CMYA5: variants seen among roughly 807,000 people sequenced by gnomAD.
CMYA5 encodes cardiomyopathy associated 5, also known as cardiomyopathy-associated protein 5.
In CMYA5, 246 loss-of-function variants were observed where a neutral mutation model predicts 318.9. The ratio of observed to expected loss-of-function variants is 0.77; its 90% CI spans 0.70 to 0.86. The LOEUF is 0.86. Among genes scored for constraint, CMYA5 ranks in the 40% least tolerant of loss-of-function variants. The pLI is 0.00. For synonymous variants in CMYA5, 1,641 were observed against 1,729.5 expected (o/e 0.95, Z 1.27); for missense variants, 4,589 against 4,678.2 (o/e 0.98, Z 0.56).
Position 79,737,949 on chromosome 5 carries a change from A to T in CMYA5, c.9184A>T (p.Asn3062Tyr). Residue 3062 changes from asparagine (N) to tyrosine (Y), a missense_variant, in exon 2 of 13, where the codon AAC (asparagine) becomes TAC (tyrosine). Physicochemically the swap from Asn to Tyr is moderately radical, Grantham distance 143. Coordinates refer to ENST00000446378, the MANE Select transcript of CMYA5 (RefSeq NM_153610.5). Reference protein sequence around the residue: ...YFEKYTLIDYNISPDPEKQKA... With the variant: ...YFEKYTLIDYYISPDPEKQKA... ...TGAAAAATATACTTTGATTGATTAT[A>T]ACATCTCCCCAGACCCAGAAAAACA... 1 of 1,610,976 alleles carries T rather than the reference A, an allele frequency of 6.2e-7. No homozygotes were observed. The highest frequency in any genetic ancestry group is 8.5e-7 in the Non-Finnish European group (1 of 1,179,236).
At position 79,739,059 on chromosome 5, in the gene CMYA5, G is replaced by C. The variant is rs2151088686; in HGVS notation, c.10294G>C (p.Val3432Leu). The C allele has an allele frequency of 1.2e-6, 2 of 1,613,866 alleles. No homozygotes were observed. Among genetic ancestry groups the C allele is most frequent in the Non-Finnish European group, 8.5e-7 (1 of 1,179,862 alleles). ...EFTESLHNEVVPQDILSEELS... is the reference protein window; with the variant it reads ...EFTESLHNEVLPQDILSEELS... ...TACAGAATCCCTGCATAATGAAGTGGTTCCTCAAGACATATTATCAGAAGA... is the reference window on the plus strand; with the variant it reads ...TACAGAATCCCTGCATAATGAAGTGCTTCCTCAAGACATATTATCAGAAGA... The change falls in exon 2 of 13, where the codon GTT becomes CTT. Residue 3432 changes from valine to leucine, a missense_variant. Physicochemically the swap from Val to Leu is conservative, Grantham distance 32. Transcript: ENST00000446378.
intron 1 of CMYA5, among the ~76,000 whole-genome samples, chr5:79,704,423 G>T (rs1437652488): frequency 1.3e-5 from 2 of 151,862 alleles, no homozygotes; most frequent in African/African-American, 2.4e-5. Context: ...TGTGTGCAAG[G>T]GTCTGAAAGC....
intron 1 of CMYA5, among the ~76,000 whole-genome samples, chr5:79,691,204 G>A (rs1267396501): frequency 6.6e-6 from 1 of 152,190 alleles, no homozygotes; most frequent in Non-Finnish European, 1.5e-5. Flanking sequence ...GTAGTGGGCA[G>A]GGACTACAAA....
At chr5:79,718,950 T>G (rs1436767566) in intron 1 of CMYA5, among the ~76,000 whole-genome samples, 1 of 152,192 alleles carries the variant, frequency 6.6e-6, no homozygotes, top group Non-Finnish European at 1.5e-5. Flanking sequence ...TCTAGGTTTG[T>G]GTAAGTACAC....
In CMYA5 at chr5:79,730,550, A is replaced by C; in HGVS notation, c.1785A>C (p.Val595=). ...CTGTTTCTACTGGTTCTGCTTTTGTATCAGAGTATTCAGTACCACAGGATT... is the reference window on the plus strand; with the variant it reads ...CTGTTTCTACTGGTTCTGCTTTTGTCTCAGAGTATTCAGTACCACAGGATT... ...IASVSTGSAF[V]SEYSVPQDLN... is the part of the protein sequence containing the mutation. Residue 595 remains valine (V), a synonymous_variant, in exon 2 of 13, where the codon GTA becomes GTC. Transcript: ENST00000446378. 1.2e-6 allele frequency: 2 copies of C among 1,613,998 alleles called. No individual in the cohort carries two copies. Among genetic ancestry groups the C allele is most frequent in the Admixed American group, 1.7e-5 (1 of 60,016 alleles).
chr5:79,733,061 ACATTTAGCTT>A lies in CMYA5; in HGVS notation c.4297_4306del (p.His1433GlyfsTer19). On this transcript the variant is annotated frameshift_variant, in exon 2 of 13. Transcript: ENST00000446378. LOFTEE classifies it high-confidence loss of function. ...CTTCTCCCATTGAAACTTCATCCAAACATTTAGCTTGGTCAGAAGCAGAGAAGGAAATTAA... is the reference window on the plus strand; with the variant it reads ...CTTCTCCCATTGAAACTTCATCCAAAGGTCAGAAGCAGAGAAGGAAATTAA... 1 of 1,613,530 alleles carries A rather than the reference ACATTTAGCTT, an allele frequency of 6.2e-7. No homozygotes were observed. Among genetic ancestry groups the A allele is most frequent in the Non-Finnish European group, 8.5e-7 (1 of 1,179,720 alleles).
intron 9 of CMYA5, among the ~76,000 whole-genome samples, chr5:79,776,606 A>G (rs1828943424): frequency 6.6e-6 from 1 of 152,178 alleles, no homozygotes; most frequent in African/African-American, 2.4e-5. Flanking sequence ...GCCCCTCTTA[A>G]GATTCCGATT....
chr5:79,766,346 C>T (rs537774503), intron 9 of CMYA5, among the ~76,000 whole-genome samples: 13 of 152,342 alleles, frequency 8.5e-5, no homozygotes, highest in African/African-American at 3.1e-4. Flanking sequence ...TGTGCTCCGA[C>T]CTCCTTGGTC....
At chr5:79,778,840 T>TGTGTGTGTGTGTGTGTGTGTG (rs1453105123) in intron 9 of CMYA5, among the ~76,000 whole-genome samples, 4 of 122,128 alleles carry the variant, frequency 3.3e-5, no homozygotes, top group African/African-American at 1.1e-4. Context: ...TGTGTGTATG[T>TGTGTGTGTGTGTGTGTGTGTG]TTATTCACTC....
At chr5:79,740,786 A>G (rs995563763) in intron 2 of CMYA5, among the ~76,000 whole-genome samples, 1 of 152,120 alleles carries the variant, frequency 6.6e-6, no homozygotes, top group East Asian at 1.9e-4. Flanking sequence ...TCCATTCTCC[A>G]TAGGGCAGCT....
chr5:79,707,584 TCA>T (rs1317887574), intron 1 of CMYA5, among the ~76,000 whole-genome samples: 1 of 152,216 alleles, frequency 6.6e-6, no homozygotes, highest in East Asian at 1.9e-4. Flanking sequence ...AATTTGGACT[TCA>T]CAAGGTTAAT....
At chr5:79,697,087 C>T (rs963763930) in intron 1 of CMYA5, among the ~76,000 whole-genome samples, 4 of 152,102 alleles carry the variant, frequency 2.6e-5, no homozygotes, top group Non-Finnish European at 4.4e-5. Flanking sequence ...CTGTGTGCCA[C>T]GCAATATAAA....
intron 6 of CMYA5, among the ~76,000 whole-genome samples, chr5:79,755,037 C>G (rs74415335): frequency 0.059 from 8,922 of 152,190 alleles, 456 homozygotes; most frequent in East Asian, 0.3. Flanking sequence ...TTGGTGGATA[C>G]TTGGGTTGCT....
At chr5:79,772,890 C>T (rs924242990) in intron 9 of CMYA5, among the ~76,000 whole-genome samples, 2 of 152,182 alleles carry the variant, frequency 1.3e-5, no homozygotes, top group African/African-American at 2.4e-5. Flanking sequence ...TATTTAACTA[C>T]GATCTGTGTA....
At position 79,732,274 on chromosome 5, in the gene CMYA5, A is replaced by G. The variant is rs1266663686; in HGVS notation, c.3509A>G (p.His1170Arg). The change falls in exon 2 of 13, where the codon CAT becomes CGT. Residue 1170 changes from histidine (H) to arginine (R), a missense_variant. His to Arg is a conservative substitution (Grantham distance 29). This residue lies in a region of CMYA5 where 2,132 missense variants were observed against 2,131.3 expected (regional missense o/e 1.00). Transcript: ENST00000446378. ...GAAGAAACCAAACCTGCATCTCCAC[A>G]TTCAGTTTTACCTGATTCAGTCCCT... ...VKEETKPASP[H>R]SVLPDSVPAI... The G allele has an allele frequency of 6.2e-7, 1 of 1,613,922 alleles. No individual in the cohort carries two copies. The highest frequency in any genetic ancestry group is 8.5e-7 in the Non-Finnish European group (1 of 1,179,866).
Position 79,737,936 on chromosome 5 carries a change from T to A in CMYA5, c.9171T>A (p.Thr3057=). The part of the protein sequence containing the change: ...PSEEDYFEKY[T]LIDYNISPDP... The stretch of plus-strand genomic sequence containing the variant: ...AAGAGGATTATTTTGAAAAATATAC[T>A]TTGATTGATTATAACATCTCCCCAG... Residue 3057 remains threonine, a synonymous_variant, in exon 2 of 13, where the codon ACT becomes ACA. Transcript: ENST00000446378. 6.2e-7 allele frequency: 1 copy of A among 1,607,978 alleles called. No individual in the cohort carries two copies. The highest frequency in any genetic ancestry group is 8.5e-7 in the Non-Finnish European group (1 of 1,178,570).
At position 79,734,275 on chromosome 5, in the gene CMYA5, CT is replaced by C. The variant is rs763246213; in HGVS notation, c.5511del (p.Asp1838MetfsTer2). 5.0e-6 allele frequency: 8 copies of C among 1,613,388 alleles called. No individual in the cohort carries two copies. Among genetic ancestry groups the C allele is most frequent in the Non-Finnish European group, 5.9e-6 (7 of 1,179,698 alleles). Reference sequence around the variant, plus strand: ...CATTCAGATCAAACTGTTAAATTACCTGATGTAAGCACCTCTTCTGAAGATA... The same window carrying C: ...CATTCAGATCAAACTGTTAAATTACCGATGTAAGCACCTCTTCTGAAGATA... ...ALHSDQTVKL[P>X]DVSTSSEDKQ... is the part of the protein sequence containing the mutation. On this transcript the variant is annotated frameshift_variant, in exon 2 of 13. Coordinates refer to ENST00000446378, the MANE Select transcript of CMYA5 (RefSeq NM_153610.5). LOFTEE classifies it high-confidence loss of function.
At chr5:79,690,412 G>T (rs1209818360) in intron 1 of CMYA5, among the ~76,000 whole-genome samples, 2 of 152,184 alleles carry the variant, frequency 1.3e-5, no homozygotes, top group African/African-American at 4.8e-5. Flanking sequence ...AGGAGAAGGG[G>T]GTGGGGTGGA....
Position 79,760,971 on chromosome 5 carries a change from T to C in CMYA5, c.11261-840T>C, listed in dbSNP as rs372067232. ...CCGATTTTCTTTTAAAGAAACAGTC[T>C]GGGTTCTTAAGTGGAAAAGTTTTGA... On this transcript the variant is annotated intron_variant, in intron 7 of 12. Coordinates refer to ENST00000446378, the MANE Select transcript of CMYA5 (RefSeq NM_153610.5). Among the ~76,000 whole-genome samples the C allele has an allele frequency of 7.9e-5, 12 of 152,268 alleles. No homozygotes were observed. In the South Asian group the frequency reaches 2.5e-3, roughly 32 times the overall value.
Sources: allele counts gnomAD v4.1 joint callset (sites outside exome capture counted in the v4.1 genomes callset), GRCh38; gene constraint gnomAD v4.1.1; regional missense constraint gnomAD v4.1.1; transcripts MANE v1.5; gene names NCBI Gene and HGNC (gene_info 2026-07-23, HGNC 2026-07-21).